Variants in FUT8 observed in about 807,000 individuals in gnomAD.
FUT8 encodes alpha-(1,6)-fucosyltransferase.
Under a neutral mutation model 71.3 loss-of-function variants are expected in FUT8, and 29 were observed. That is an observed-to-expected ratio of 0.41 (90% CI 0.30 to 0.55). The LOEUF (loss-of-function observed/expected upper bound fraction) is 0.55, where lower values mean the gene tolerates loss of function less well. Ranked by LOEUF, FUT8 falls within the 20% of genes least tolerant of loss-of-function variation. The pLI, the probability that FUT8 is intolerant of heterozygous loss-of-function variation, is 0.34. For synonymous variants in FUT8, 254 were observed against 239.3 expected (o/e 1.06, Z -0.57); for missense variants, 544 against 702.1 (o/e 0.77, Z 2.55).
chr14:65,646,055 C>G (rs1891111408), intron 6 of FUT8: 1 of 152,182 alleles, frequency 6.6e-6, no homozygotes, highest in South Asian at 2.1e-4. Context: ...AGACAGATAT[C>G]TTAACTTATT....
intron 2 of FUT8, among the ~76,000 whole-genome samples, chr14:65,519,650 G>A (rs1882952214): frequency 6.6e-6 from 1 of 151,992 alleles, no homozygotes; most frequent in African/African-American, 2.4e-5. Context: ...ACTGGTTGAT[G>A]GTCCGTTGTC....
At chr14:65,380,021 C>T in the FUT8 span, among the ~76,000 whole-genome samples, 5 of 152,220 alleles carry the variant, frequency 3.3e-5, no homozygotes, top group Non-Finnish European at 5.9e-5. Context: ...TTAATACCAG[C>T]ACAATAGGGA....
At chr14:65,520,113 C>T (rs1416036655) in intron 2 of FUT8, among the ~76,000 whole-genome samples, 1 of 152,170 alleles carries the variant, frequency 6.6e-6, no homozygotes, top group African/African-American at 2.4e-5. Context: ...ACCTGTAACA[C>T]TCATAGAGTG....
intron 1 of FUT8, among the ~76,000 whole-genome samples, chr14:65,454,357 T>TA (rs1169360549): frequency 1.3e-5 from 2 of 152,186 alleles, no homozygotes; most frequent in Non-Finnish European, 2.9e-5. Context: ...CTGGGCATGG[T>TA]GGCTCATGTT....
intron 1 of FUT8, among the ~76,000 whole-genome samples, chr14:65,437,608 A>G (rs2065581357): frequency 6.6e-6 from 1 of 152,244 alleles, no homozygotes; most frequent in Admixed American, 6.5e-5. Context: ...ACATGAATTC[A>G]TATTACTTGA....
intron 2 of FUT8, among the ~76,000 whole-genome samples, chr14:65,558,601 T>C (rs949271723): frequency 2.0e-5 from 3 of 152,148 alleles, no homozygotes; most frequent in South Asian, 4.1e-4. Context: ...GTGAACACAA[T>C]GAACAAAAAT....
At chr14:65,518,673 C>T (rs559065473) in intron 2 of FUT8, among the ~76,000 whole-genome samples, 7 of 152,128 alleles carry the variant, frequency 4.6e-5, no homozygotes, top group African/African-American at 1.4e-4. Context: ...TACAGGTGTG[C>T]GCCACCATGC....
At chr14:65,527,682 A>T (rs1399899626) in intron 2 of FUT8, among the ~76,000 whole-genome samples, 4 of 151,882 alleles carry the variant, frequency 2.6e-5, no homozygotes, top group African/African-American at 9.7e-5. Flanking sequence ...TTGTGGTTTT[A>T]TCTACCTTTG....
intron 3 of FUT8, among the ~76,000 whole-genome samples, chr14:65,598,476 C>T (rs1465890670): frequency 1.3e-5 from 2 of 152,188 alleles, no homozygotes; most frequent in African/African-American, 4.8e-5. Flanking sequence ...CCGCCTCGGC[C>T]TCCCAAAGTG....
intron 6 of FUT8, among the ~76,000 whole-genome samples, chr14:65,661,894 A>G (rs895973835): frequency 6.6e-6 from 1 of 152,208 alleles, no homozygotes; most frequent in African/African-American, 2.4e-5. Context: ...CCTAAGTAAA[A>G]TATCTCAGCG....
chr14:65,724,453 A>G, intron 9 of FUT8, 130 bp downstream of exon 9: 1 of 603,718 alleles, frequency 1.7e-6, no homozygotes, highest in Admixed American at 3.5e-5. Context: ...AATTCAATGG[A>G]CTATGTACTT....
chr14:65,657,638 A>T, intron 6 of FUT8, among the ~76,000 whole-genome samples: 1 of 152,142 alleles, frequency 6.6e-6, no homozygotes, highest in South Asian at 2.1e-4. Flanking sequence ...AATTGAACTC[A>T]TGGAGATAGA....
At chr14:65,722,108 G>A (rs1452926237) in intron 8 of FUT8, 87 bp downstream of exon 8, 7 of 1,483,132 alleles carry the variant, frequency 4.7e-6, no homozygotes, top group African/African-American at 2.8e-5. Flanking sequence ...TTTACAATAT[G>A]TAGTTCAATT....
rs76731800 is a variant in FUT8, at chr14:65,474,569, A to G, written c.-228+18851A>G. On this transcript the variant is annotated intron_variant, in intron 2 of 10. Transcript: ENST00000673929. Reference sequence around the variant, plus strand: ...AGCCGAGATTGTGCCACTGCACTCTAAGAGCAAAACTCTGTCTCAAAAATA... The same window carrying G: ...AGCCGAGATTGTGCCACTGCACTCTGAGAGCAAAACTCTGTCTCAAAAATA... 5.7e-3 allele frequency among the ~76,000 whole-genome samples: 863 copies of G among 152,056 alleles called. 30 individuals carry two copies. In the East Asian group the frequency reaches 0.092, roughly 16 times the overall value.
intron 7 of FUT8, among the ~76,000 whole-genome samples, chr14:65,701,703 A>C (rs1344506932): frequency 1.3e-5 from 2 of 152,196 alleles, no homozygotes; most frequent in African/African-American, 4.8e-5. Context: ...ATTCACATCC[A>C]CTAATTGCTT....
At chr14:65,701,747 T>G (rs1028698543) in intron 7 of FUT8, among the ~76,000 whole-genome samples, 2 of 152,164 alleles carry the variant, frequency 1.3e-5, no homozygotes, top group Non-Finnish European at 2.9e-5. Flanking sequence ...ATGTTTGAAG[T>G]TTATATCATT....
chr14:65,503,759 A>G (rs1044733817), intron 2 of FUT8, among the ~76,000 whole-genome samples: 7 of 152,128 alleles, frequency 4.6e-5, no homozygotes, highest in African/African-American at 1.7e-4. Context: ...TTTTTAATTC[A>G]GGCTACAACT....
chr14:65,456,752 A>G (rs192038932), intron 2 of FUT8, among the ~76,000 whole-genome samples: 1 of 151,930 alleles, frequency 6.6e-6, no homozygotes, highest in East Asian at 1.9e-4. Flanking sequence ...TCACGTCTGT[A>G]GTCCCAGCTA....
rs185830098 is a variant in FUT8, at chr14:65,660,181, G to A, written c.598-9062G>A. On this transcript the variant is annotated intron_variant, in intron 6 of 10. Coordinates refer to ENST00000673929, the MANE Select transcript of FUT8 (RefSeq NM_001371533.1). This position sits in a 1 kb window ranked among gnomAD's most constrained non-coding sequence, Gnocchi z 4.1. ...AATATTACCAAGGTTATTCTAGCAT[G>A]CAAGTCTCTTGAAACTAAGTTGAGG... Among the ~76,000 whole-genome samples the A allele has an allele frequency of 1.4e-3, 211 of 152,144 alleles. 1 individual carries two copies. The highest frequency in any genetic ancestry group is 4.7e-3 in the African/African-American group (196 of 41,518).
Sources: gnomAD v4.1 joint callset for allele counts (sites outside exome capture counted in the v4.1 genomes callset) on GRCh38, gnomAD v4.1.1 for gene constraint, Gnocchi (gnomAD v3.1) non-coding constraint, MANE v1.5 for transcripts, NCBI Gene and HGNC (gene_info 2026-07-23, HGNC 2026-07-21) for gene names.